The following PPM1E variants were observed in gnomAD, a reference collection of about 807,000 sequenced individuals.
PPM1E encodes the protein protein phosphatase 1E.
Under a neutral mutation model 65.9 loss-of-function variants are expected in PPM1E, and 20 were observed. That is an observed-to-expected ratio of 0.30 (90% CI 0.21 to 0.44). The LOEUF is 0.44. PPM1E is among the 20% of genes least tolerant of loss of function. The pLI is 1.00. For synonymous variants in PPM1E, 352 were observed against 374.9 expected (o/e 0.94, Z 0.70); for missense variants, 713 against 953.1 (o/e 0.75, Z 3.32).
At position 58,755,925 on chromosome 17, in the gene PPM1E, T is replaced by C. The variant is rs2049753721; in HGVS notation, c.-73T>C. 2 of 1,593,300 alleles carry C rather than the reference T, an allele frequency of 1.3e-6. No individual in the cohort carries two copies. The highest frequency in any genetic ancestry group is 1.7e-6 in the Non-Finnish European group (2 of 1,169,558). On this transcript the variant is annotated 5_prime_UTR_variant, in exon 1 of 7. Transcript: ENST00000308249. ...AACCGCCCTTGCCGGAGCCCTAGGCTCAAAAGCAGCCCCTTACCCTTCCTG... is the reference window on the plus strand; with the variant it reads ...AACCGCCCTTGCCGGAGCCCTAGGCCCAAAAGCAGCCCCTTACCCTTCCTG...
intron 1 of PPM1E, among the ~76,000 whole-genome samples, chr17:58,794,268 C>T (rs2050185414): frequency 6.6e-6 from 1 of 151,378 alleles, no homozygotes; most frequent in South Asian, 2.1e-4. Context: ...TTTTTAGAGA[C>T]AAGGTCTCCC....
intron 1 of PPM1E, among the ~76,000 whole-genome samples, chr17:58,864,612 C>G (rs1838649700): frequency 6.6e-6 from 1 of 151,808 alleles, no homozygotes; most frequent in South Asian, 2.1e-4. Context: ...TGCACTCCAG[C>G]CTGGGCGACA....
chr17:58,771,777 A>AT (rs2049941815), intron 1 of PPM1E, among the ~76,000 whole-genome samples: 1 of 152,106 alleles, frequency 6.6e-6, no homozygotes, highest in Non-Finnish European at 1.5e-5. Context: ...TGGCAAATTA[A>AT]TTTTTTATAA....
intron 1 of PPM1E, among the ~76,000 whole-genome samples, chr17:58,765,894 T>TG (rs1372429642): frequency 7.3e-5 from 11 of 150,624 alleles, no homozygotes; most frequent in Admixed American, 5.3e-4. Flanking sequence ...TTTTTTTTTT[T>TG]TTCCAAGATG....
At chr17:58,812,030 GA>G (rs1043818435) in intron 1 of PPM1E, among the ~76,000 whole-genome samples, 1 of 150,708 alleles carries the variant, frequency 6.6e-6, no homozygotes, top group Non-Finnish European at 1.5e-5. Flanking sequence ...AGCTAGAAAA[GA>G]AAAAAAATAT....
At position 58,792,743 on chromosome 17, in the gene PPM1E, C is replaced by CTTT. The variant is rs780992600; in HGVS notation, c.464+36309_464+36311dup. On this transcript the variant is annotated intron_variant, in intron 1 of 6. Transcript: ENST00000308249. ...TATTTTATTTTATAAGAATTTTACT[C>CTTT]TTTTTTTTTTTTTTTTTTTTTTTTT... is the stretch of plus-strand genomic sequence containing the variant. 4.3e-3 allele frequency among the ~76,000 whole-genome samples: 326 copies of CTTT among 76,368 alleles called. 44 individuals are homozygous for CTTT. Among genetic ancestry groups the CTTT allele is most frequent in the South Asian group, 1.0e-2 (17 of 1,702 alleles). The allele number at this position is 76,368 out of a possible 152,430, so 50.1% of individuals were successfully genotyped here.
At chr17:58,928,805 T>G (rs1056100168) in intron 1 of PPM1E, among the ~76,000 whole-genome samples, 1 of 151,182 alleles carries the variant, frequency 6.6e-6, no homozygotes, top group Non-Finnish European at 1.5e-5. Context: ...CGGGTTCAAG[T>G]GATTCTCCTG....
intron 2 of PPM1E, among the ~76,000 whole-genome samples, chr17:58,959,236 G>A (rs1282707680): frequency 6.6e-6 from 1 of 150,412 alleles, no homozygotes; most frequent in Non-Finnish European, 1.5e-5. Context: ...TTGAACCTAG[G>A]AGGCGGAGGT....
At chr17:58,840,200 A>G (rs890388012) in intron 1 of PPM1E, among the ~76,000 whole-genome samples, 12 of 152,224 alleles carry the variant, frequency 7.9e-5, no homozygotes, top group South Asian at 2.1e-4. Flanking sequence ...ACACGCTAGA[A>G]GTATTGCCAA....
intron 1 of PPM1E, among the ~76,000 whole-genome samples, chr17:58,894,651 C>T (rs980421437): frequency 6.6e-6 from 1 of 152,058 alleles, no homozygotes; most frequent in East Asian, 1.9e-4. Flanking sequence ...TTGATCTTTC[C>T]CATGTATATT....
At chr17:58,956,473 T>C (rs540449384) in intron 2 of PPM1E, among the ~76,000 whole-genome samples, 23 of 151,724 alleles carry the variant, frequency 1.5e-4, no homozygotes, top group African/African-American at 5.5e-4. Context: ...AAAAAAAACC[T>C]TAACTTTGTA....
At chr17:58,843,643 G>T (rs112536060) in intron 1 of PPM1E, among the ~76,000 whole-genome samples, 3,498 of 151,974 alleles carry the variant, frequency 0.023, 127 homozygotes, top group African/African-American at 0.08. Flanking sequence ...TGGGCAACAT[G>T]GTGAAACCCT....
intron 1 of PPM1E, among the ~76,000 whole-genome samples, chr17:58,842,257 CACCTAAGGAG>C (rs1262791542): frequency 6.6e-6 from 1 of 152,168 alleles, no homozygotes; most frequent in African/African-American, 2.4e-5. Flanking sequence ...AGCTAAGAGA[CACCTAAGGAG>C]ACGCGACAAG....
intron 1 of PPM1E, among the ~76,000 whole-genome samples, chr17:58,805,974 CAAAA>C (rs1341289870): frequency 1.4e-5 from 1 of 74,022 alleles, no homozygotes; most frequent in African/African-American, 5.9e-5. Context: ...AAAAAAAAAA[CAAAA>C]AAAAAACAAA....
rs529275045 is a variant in PPM1E, at chr17:58,809,453, C to T, written c.464+52992C>T. Among the ~76,000 whole-genome samples the T allele has an allele frequency of 1.6e-4, 25 of 152,054 alleles. 1 individual carries two copies. The East Asian group carries it at 3.3e-3, about 20-fold the overall frequency. ...TGTTGCCCAGGTGGGAGTGCAGTGGCGCGGCTTAACTGCAGCCTTACCTCC... is the reference window on the plus strand; with the variant it reads ...TGTTGCCCAGGTGGGAGTGCAGTGGTGCGGCTTAACTGCAGCCTTACCTCC... On this transcript the variant is annotated intron_variant, in intron 1 of 6. Transcript: ENST00000308249.
intron 1 of PPM1E, among the ~76,000 whole-genome samples, chr17:58,917,178 C>T (rs931485847): frequency 3.3e-5 from 5 of 151,140 alleles, no homozygotes; most frequent in Non-Finnish European, 7.4e-5. Flanking sequence ...CCACTGCACT[C>T]CAGCCTGGGG....
rs118107994 is a variant in PPM1E, at chr17:58,897,575, A to T, written c.465-58074A>T. On this transcript the variant is annotated intron_variant, in intron 1 of 6. Coordinates refer to ENST00000308249, the MANE Select transcript of PPM1E (RefSeq NM_014906.5). The stretch of plus-strand genomic sequence containing the variant: ...CCATGGATCAAAGAGTAATTTTGAC[A>T]TTTAAGTCATGTTTTAAGAGAAACA... Among the ~76,000 whole-genome samples the T allele has an allele frequency of 1.1e-4, 16 of 152,324 alleles. No individual in the cohort carries two copies. The East Asian group carries it at 2.5e-3, about 24-fold the overall frequency.
At chr17:58,803,936 T>C (rs1417526813) in intron 1 of PPM1E, among the ~76,000 whole-genome samples, 2 of 152,236 alleles carry the variant, frequency 1.3e-5, no homozygotes, top group African/African-American at 4.8e-5. Context: ...TATTTTATTT[T>C]GTTTTGTTTT....
chr17:58,793,465 C>T (rs2050176389), intron 1 of PPM1E, among the ~76,000 whole-genome samples: 1 of 151,920 alleles, frequency 6.6e-6, no homozygotes, highest in Non-Finnish European at 1.5e-5. Context: ...ATGCCATTTT[C>T]CTGCCTCAGC....
Sources: gnomAD v4.1 joint callset for allele counts (sites outside exome capture counted in the v4.1 genomes callset) on GRCh38, gnomAD v4.1.1 for gene constraint, MANE v1.5 for transcripts, NCBI Gene and HGNC (gene_info 2026-07-23, HGNC 2026-07-21) for gene names.